ANGPT1: variants seen among roughly 807,000 people sequenced by gnomAD.
ANGPT1 encodes angiopoietin 1, also known as angiopoietin-1.
A neutral mutation model predicts 62.2 loss-of-function variants in ANGPT1; 17 were observed. The observed-to-expected ratio is 0.27, with a 90% confidence interval of 0.19 to 0.41. The LOEUF is 0.41. Among genes scored for constraint, ANGPT1 ranks in the 10% least tolerant of loss-of-function variants. The pLI, the probability that ANGPT1 is intolerant of heterozygous loss-of-function variation, is 1.00. For missense variants in ANGPT1, 478 were observed against 594.9 expected (o/e 0.80, Z 2.04); for synonymous variants, 199 against 198.9 (o/e 1.00, Z 0.00).
chr8:107,454,758 C>T (rs1275924093), intron 1 of ANGPT1, among the ~76,000 whole-genome samples: 1 of 152,060 alleles, frequency 6.6e-6, no homozygotes, highest in Admixed American at 6.6e-5. Context: ...CTCTTCAACT[C>T]ACAGTAGTAT....
chr8:107,402,080 A>G (rs28678965), intron 1 of ANGPT1, among the ~76,000 whole-genome samples: 4,425 of 152,326 alleles, frequency 0.029, 119 homozygotes, highest in Non-Finnish European at 0.039. Flanking sequence ...GATAAAGAGC[A>G]AATTGCTTCA....
At chr8:107,396,683 G>A (rs965321630) in intron 1 of ANGPT1, among the ~76,000 whole-genome samples, 2 of 151,682 alleles carry the variant, frequency 1.3e-5, no homozygotes, top group Admixed American at 1.3e-4. Context: ...ACCATGCCTG[G>A]CTAATTTTTC....
intron 4 of ANGPT1, among the ~76,000 whole-genome samples, chr8:107,320,925 C>T (rs542339056): frequency 6.6e-6 from 1 of 152,238 alleles, no homozygotes; most frequent in South Asian, 2.1e-4. Flanking sequence ...TGCATATGCT[C>T]ACTGAACCAC....
At chr8:107,367,593 T>C (rs1318134418) in intron 1 of ANGPT1, among the ~76,000 whole-genome samples, 2 of 152,216 alleles carry the variant, frequency 1.3e-5, no homozygotes, top group Non-Finnish European at 2.9e-5. Flanking sequence ...TGGGGAAAGT[T>C]ATACTGTTTG....
At chr8:107,293,587 G>A (rs1814335647) in intron 6 of ANGPT1, among the ~76,000 whole-genome samples, 1 of 152,100 alleles carries the variant, frequency 6.6e-6, no homozygotes, top group South Asian at 2.1e-4. Context: ...TACCCATCCT[G>A]TTCCACAACC....
chr8:107,465,696 TTATAGCCA>T (rs772491993), intron 1 of ANGPT1, among the ~76,000 whole-genome samples: 54 of 152,190 alleles, frequency 3.5e-4, no homozygotes, highest in Non-Finnish European at 6.8e-4. Flanking sequence ...TCCCTCAAGA[TTATAGCCA>T]TATGCTAGGA....
intron 1 of ANGPT1, among the ~76,000 whole-genome samples, chr8:107,359,484 T>A (rs775627227): frequency 9.9e-5 from 15 of 152,164 alleles, no homozygotes; most frequent in African/African-American, 4.8e-5. Context: ...GAACTAAAAA[T>A]TGATTCTATA....
intron 7 of ANGPT1, among the ~76,000 whole-genome samples, chr8:107,274,804 A>G (rs1288118071): frequency 6.6e-6 from 1 of 152,132 alleles, no homozygotes; most frequent in Non-Finnish European, 1.5e-5. Context: ...AAACCTTGTC[A>G]ATATGTCTTT....
At chr8:107,466,938 A>G (rs1351490587) in intron 1 of ANGPT1, among the ~76,000 whole-genome samples, 3 of 151,956 alleles carry the variant, frequency 2.0e-5, no homozygotes, top group Non-Finnish European at 4.4e-5. Context: ...AAATATACAA[A>G]TTCAATCCCT....
At chr8:107,267,384 T>A (rs1813638464) in intron 7 of ANGPT1, among the ~76,000 whole-genome samples, 1 of 152,126 alleles carries the variant, frequency 6.6e-6, no homozygotes, top group Non-Finnish European at 1.5e-5. Flanking sequence ...GGTATAGGTA[T>A]AGGTATATAG....
rs202223786 is a variant in ANGPT1, at chr8:107,427,828, C to T, written c.297+69434G>A. Among the ~76,000 whole-genome samples the T allele has an allele frequency of 6.8e-4, 103 of 152,202 alleles. 1 individual carries two copies. Among genetic ancestry groups the T allele is most frequent in the Non-Finnish European group, 8.2e-4 (56 of 68,010 alleles). ...CTCTCAATAGGAGGAGGAGGAGAAA[C>T]GGGAGTTATTATTTCTAGTGTCATT... On this transcript the variant is annotated intron_variant, in intron 1 of 8. Coordinates refer to ENST00000517746, the MANE Select transcript of ANGPT1 (RefSeq NM_001146.5).
chr8:107,468,836 T>C (rs1812273294), intron 1 of ANGPT1, among the ~76,000 whole-genome samples: 2 of 152,044 alleles, frequency 1.3e-5, no homozygotes, highest in Admixed American at 6.6e-5. Flanking sequence ...ATTGGTATAT[T>C]TGAGCTATGT....
chr8:107,410,474 T>C (rs1817245485), intron 1 of ANGPT1, among the ~76,000 whole-genome samples: 1 of 152,144 alleles, frequency 6.6e-6, no homozygotes, highest in Admixed American at 6.5e-5. Flanking sequence ...CCTATGAGCA[T>C]CAAAAACTTG....
intron 7 of ANGPT1, among the ~76,000 whole-genome samples, chr8:107,277,481 G>A (rs910587850): frequency 1.3e-5 from 2 of 152,010 alleles, no homozygotes; most frequent in Non-Finnish European, 2.9e-5. Context: ...TGAGATAATA[G>A]CAAGAGGAAA....
At chr8:107,292,244 G>A (rs980883415) in intron 6 of ANGPT1, among the ~76,000 whole-genome samples, 1 of 152,090 alleles carries the variant, frequency 6.6e-6, no homozygotes, top group African/African-American at 2.4e-5. Flanking sequence ...TGTTACAGAT[G>A]TAATTTCTAA....
chr8:107,300,099 C>A (rs1296462512), intron 5 of ANGPT1, among the ~76,000 whole-genome samples: 4 of 138,186 alleles, frequency 2.9e-5, no homozygotes, highest in Non-Finnish European at 6.3e-5. Flanking sequence ...CTATATATAT[C>A]TCTATATATC....
rs1168992408 is a variant in ANGPT1 at position 107,294,027 on chromosome 8, T to C, written c.947A>G (p.Asn316Ser). 1.2e-6 allele frequency: 2 copies of C among 1,611,710 alleles called. No homozygotes were observed. Among genetic ancestry groups the C allele is most frequent in the South Asian group, 2.2e-5 (2 of 90,464 alleles). ...NMPEPKKVFC[N>S]MDVNGGGWTV... is the part of the protein sequence containing the mutation. The stretch of plus-strand genomic sequence containing the variant: ...CCAACCTCCCCCATTGACATCCATA[T>C]TGCAAAACACCTGACAAATGGAAAA... The change falls in exon 6 of 9, where the codon AAT becomes AGT. Residue 316 changes from asparagine to serine, a missense_variant. By Grantham distance (46) the Asn-to-Ser change is conservative (BLOSUM62 1). This residue lies in a region of ANGPT1 where 81 missense variants were observed against 117.1 expected (regional missense o/e 0.69). Coordinates refer to ENST00000517746, the MANE Select transcript of ANGPT1 (RefSeq NM_001146.5).
At chr8:107,434,758 G>C (rs1811290706) in intron 1 of ANGPT1, among the ~76,000 whole-genome samples, 2 of 152,158 alleles carry the variant, frequency 1.3e-5, no homozygotes, top group Admixed American at 1.3e-4. Flanking sequence ...GATAATGTTT[G>C]CTTGTAAATG....
At chr8:107,487,779 G>A (rs1190116996) in intron 1 of ANGPT1, among the ~76,000 whole-genome samples, 4 of 152,124 alleles carry the variant, frequency 2.6e-5, no homozygotes, top group Admixed American at 2.6e-4. Context: ...GAAAATAGCA[G>A]TTCTTGAGAT....
Sources: allele counts gnomAD v4.1 joint callset (sites outside exome capture counted in the v4.1 genomes callset), GRCh38; gene constraint gnomAD v4.1.1; regional missense constraint gnomAD v4.1.1; transcripts MANE v1.5; gene names NCBI Gene and HGNC (gene_info 2026-07-23, HGNC 2026-07-21).